The following NCAM2 variants were observed in gnomAD, a reference collection of about 807,000 sequenced individuals.
NCAM2 encodes the protein N-CAM-2.
NCAM2 carries 30 observed loss-of-function variants against 98.1 expected under a neutral mutation model. The ratio of observed to expected loss-of-function variants is 0.31; its 90% CI spans 0.23 to 0.41. The LOEUF (loss-of-function observed/expected upper bound fraction) is 0.41, where lower values mean the gene tolerates loss of function less well. Ranked by LOEUF, NCAM2 falls within the 10% of genes least tolerant of loss-of-function variation. NCAM2 has a pLI of 1.00. For missense variants in NCAM2, 867 were observed against 1,005.8 expected, an observed-to-expected ratio of 0.86 and a Z score of 1.87; for synonymous variants, 368 against 342.4, an observed-to-expected ratio of 1.07 and a Z score of -0.83.
chr21:21,263,306 A>T (rs958624923), intron 1 of NCAM2, among the ~76,000 whole-genome samples: 6 of 152,166 alleles, frequency 3.9e-5, no homozygotes, highest in African/African-American at 1.4e-4. Flanking sequence ...CATTTAACCA[A>T]GGAAATGAAA....
intron 9 of NCAM2, among the ~76,000 whole-genome samples, chr21:21,387,183 CACAT>C (rs1203307485): frequency 2.7e-3 from 194 of 73,150 alleles, no homozygotes; most frequent in Middle Eastern, 6.9e-3. Flanking sequence ...TGCGCACACA[CACAT>C]ACACACACAC....
intron 1 of NCAM2, among the ~76,000 whole-genome samples, chr21:21,048,108 C>T (rs879672623): frequency 2.0e-5 from 3 of 152,244 alleles, no homozygotes; most frequent in Non-Finnish European, 4.4e-5. Context: ...CAACTAAGAG[C>T]CAGGCACCCT....
intron 5 of NCAM2, among the ~76,000 whole-genome samples, chr21:21,295,239 A>G (rs1215470784): frequency 2.0e-5 from 1 of 50,754 alleles, no homozygotes; most frequent in Admixed American, 2.6e-4. Context: ...CTATCCTACC[A>G]ATTCATACTC....
intron 1 of NCAM2, among the ~76,000 whole-genome samples, chr21:21,142,518 A>G (rs2067191012): frequency 6.7e-6 from 1 of 150,046 alleles, no homozygotes; most frequent in South Asian, 2.1e-4. Flanking sequence ...AGCTGGGACT[A>G]CAGGCGTCCG....
intron 1 of NCAM2, among the ~76,000 whole-genome samples, chr21:21,123,848 CTTTTTT>C (rs71193401): frequency 1.2e-5 from 1 of 86,656 alleles, no homozygotes; most frequent in Admixed American, 1.9e-4. Context: ...TTCTTGATTG[CTTTTTT>C]TTTTTTTTTT....
At chr21:21,359,376 A>G (rs949851277) in intron 8 of NCAM2, among the ~76,000 whole-genome samples, 1 of 151,950 alleles carries the variant, frequency 6.6e-6, no homozygotes, top group African/African-American at 2.4e-5. Flanking sequence ...ACTTTCTGAA[A>G]TCTTTTTCTG....
intron 1 of NCAM2, among the ~76,000 whole-genome samples, chr21:21,018,688 TGTTG>T (rs1213451138): frequency 6.6e-6 from 1 of 152,228 alleles, no homozygotes; most frequent in African/African-American, 2.4e-5. Flanking sequence ...TTGTGAGGTA[TGTTG>T]GTTCTGTTTT....
intron 1 of NCAM2, among the ~76,000 whole-genome samples, chr21:21,203,634 A>G (rs1300348347): frequency 6.6e-6 from 1 of 152,196 alleles, no homozygotes; most frequent in African/African-American, 2.4e-5. Flanking sequence ...TATATGCTCA[A>G]TCAAGAGTTT....
intron 5 of NCAM2, among the ~76,000 whole-genome samples, chr21:21,299,345 G>A (rs562002296): frequency 1.8e-4 from 27 of 150,388 alleles, no homozygotes; most frequent in Non-Finnish European, 3.1e-4. Context: ...TTTAATAAAA[G>A]CATAGGTATT....
intron 1 of NCAM2, among the ~76,000 whole-genome samples, chr21:21,221,047 T>A (rs2070127142): frequency 6.6e-6 from 1 of 152,198 alleles, no homozygotes; most frequent in African/African-American, 2.4e-5. Context: ...TTGCAAACTT[T>A]CTCACTAATG....
At chr21:21,484,113 A>G (rs114723866) in intron 15 of NCAM2, among the ~76,000 whole-genome samples, 1 of 152,232 alleles carries the variant, frequency 6.6e-6, no homozygotes, top group African/African-American at 2.4e-5. Context: ...TACATTTTCA[A>G]CTTATAAATG....
intron 9 of NCAM2, among the ~76,000 whole-genome samples, chr21:21,397,239 C>T (rs1358556963): frequency 6.6e-6 from 1 of 152,130 alleles, no homozygotes; most frequent in African/African-American, 2.4e-5. Context: ...CTCTGGGCCA[C>T]GATTCCACCC....
intron 5 of NCAM2, among the ~76,000 whole-genome samples, chr21:21,312,485 A>T (rs539592833): frequency 8.4e-4 from 128 of 151,818 alleles, no homozygotes; most frequent in African/African-American, 2.6e-3. Flanking sequence ...AAATTATATT[A>T]ATACTCAATT....
chr21:21,504,508 G>C (rs1242786403), intron 15 of NCAM2, among the ~76,000 whole-genome samples: 5 of 151,828 alleles, frequency 3.3e-5, no homozygotes, highest in African/African-American at 1.2e-4. Context: ...TACATCATTA[G>C]TAGTGCCCGA....
rs73334394 is a variant in NCAM2, at chr21:21,207,421, A to G, written c.56-73157A>G. ...TTGAGAGATGGAACTTGAATACTCA[A>G]TGGAAATTAAAGATACTGTGTTTGA... On this transcript the variant is annotated intron_variant, in intron 1 of 17. Transcript: ENST00000400546. Among the ~76,000 whole-genome samples, 612 of 152,260 alleles carry G rather than the reference A, an allele frequency of 4.0e-3. 10 individuals are homozygous for G. The highest frequency in any genetic ancestry group is 0.014 in the African/African-American group (588 of 41,554).
chr21:21,277,564 T>C (rs1488195341), intron 1 of NCAM2, among the ~76,000 whole-genome samples: 1 of 151,976 alleles, frequency 6.6e-6, no homozygotes, highest in East Asian at 1.9e-4. Flanking sequence ...GGTAGGCAAG[T>C]GTGAGTCAGT....
chr21:21,221,676 C>A (rs1442480398), intron 1 of NCAM2, among the ~76,000 whole-genome samples: 1 of 152,142 alleles, frequency 6.6e-6, no homozygotes, highest in Non-Finnish European at 1.5e-5. Context: ...TTGAAACTAG[C>A]AGAGGCTGGC....
intron 1 of NCAM2, among the ~76,000 whole-genome samples, chr21:21,251,215 T>TA (rs1289149010): frequency 1.3e-5 from 2 of 152,202 alleles, no homozygotes; most frequent in East Asian, 1.9e-4. Context: ...GCAGGTTTGT[T>TA]ACGTAGGTAT....
intron 1 of NCAM2, among the ~76,000 whole-genome samples, chr21:21,008,557 A>G (rs1194951216): frequency 6.6e-6 from 1 of 152,172 alleles, no homozygotes; most frequent in African/African-American, 2.4e-5. Context: ...GCTTTAAAAA[A>G]TGGTAGGGCC....
Sources: allele counts gnomAD v4.1 joint callset (sites outside exome capture counted in the v4.1 genomes callset), GRCh38; gene constraint gnomAD v4.1.1; transcripts MANE v1.5; gene names NCBI Gene and HGNC (gene_info 2026-07-23, HGNC 2026-07-21).